The following ROR1 variants were observed in gnomAD, a reference collection of about 807,000 sequenced individuals.
ROR1 encodes inactive tyrosine-protein kinase transmembrane receptor ROR1.
In ROR1, 19 loss-of-function variants were observed where a neutral mutation model predicts 78.8. That is an observed-to-expected ratio of 0.24 (90% CI 0.17 to 0.35). ROR1 has a LOEUF of 0.35. Among genes scored for constraint, ROR1 ranks in the 10% least tolerant of loss-of-function variants. The probability of loss-of-function intolerance (pLI) is 1.00; values close to 1 mark genes in which losing one functional copy is unlikely to be tolerated. For missense variants in ROR1, 917 were observed against 1,177.8 expected (o/e 0.78, Z 3.24); for synonymous variants, 386 against 433.6 (o/e 0.89, Z 1.36).
chr1:63,782,922 G>A (rs1320357841), intron 1 of ROR1, among the ~76,000 whole-genome samples: 3 of 152,090 alleles, frequency 2.0e-5, no homozygotes, highest in Non-Finnish European at 4.4e-5. Flanking sequence ...TGGGTCTTTC[G>A]GGAGGAAGTG....
At chr1:63,976,206 G>C (rs1035887333) in intron 1 of ROR1, among the ~76,000 whole-genome samples, 1 of 152,134 alleles carries the variant, frequency 6.6e-6, no homozygotes, top group Non-Finnish European at 1.5e-5. Context: ...GGGTGATCTT[G>C]TCTAATTCTC....
At chr1:64,071,899 C>T (rs1243865174) in intron 4 of ROR1, among the ~76,000 whole-genome samples, 3 of 152,142 alleles carry the variant, frequency 2.0e-5, no homozygotes, top group African/African-American at 7.2e-5. Context: ...GTGTTCTCTC[C>T]TCTCTCTCAG....
At chr1:64,078,598 A>T (rs1647072334) in intron 4 of ROR1, among the ~76,000 whole-genome samples, 1 of 152,158 alleles carries the variant, frequency 6.6e-6, no homozygotes, top group South Asian at 2.1e-4. Context: ...GAACAATGAG[A>T]GGGAGAAACT....
At chr1:63,843,037 TG>T (rs1645058461) in intron 1 of ROR1, among the ~76,000 whole-genome samples, 1 of 150,826 alleles carries the variant, frequency 6.6e-6, no homozygotes, top group East Asian at 2.0e-4. Context: ...ATCCAGGGAG[TG>T]GGGGGATCTG....
chr1:63,834,164 T>A (rs1201505433), intron 1 of ROR1, among the ~76,000 whole-genome samples: 3 of 151,828 alleles, frequency 2.0e-5, no homozygotes. Context: ...ACCCTCTCGG[T>A]GGAGCTGAGA....
At chr1:64,156,915 T>C (rs1649791369) in intron 7 of ROR1, among the ~76,000 whole-genome samples, 1 of 152,094 alleles carries the variant, frequency 6.6e-6, no homozygotes, top group Non-Finnish European at 1.5e-5. Context: ...AGACCGACGA[T>C]GGAATCCCAG....
At chr1:64,067,710 CTTT>C (rs986756579) in intron 4 of ROR1, among the ~76,000 whole-genome samples, 4 of 105,638 alleles carry the variant, frequency 3.8e-5, no homozygotes, top group African/African-American at 1.3e-4. Flanking sequence ...TAAATAAATT[CTTT>C]TTTTTTTTTT....
At chr1:63,824,916 A>T (rs1379511604) in intron 1 of ROR1, among the ~76,000 whole-genome samples, 1 of 152,160 alleles carries the variant, frequency 6.6e-6, no homozygotes. Flanking sequence ...TTCTCTTAAT[A>T]ATATATGGTA....
chr1:63,837,467 C>T (rs926285327), intron 1 of ROR1, among the ~76,000 whole-genome samples: 4 of 152,110 alleles, frequency 2.6e-5, no homozygotes, highest in Non-Finnish European at 5.9e-5. Context: ...ACTTTCTGGC[C>T]AGTAGAGCAG....
chr1:63,995,598 C>T (rs1000550911), intron 1 of ROR1, among the ~76,000 whole-genome samples: 4 of 152,176 alleles, frequency 2.6e-5, no homozygotes, highest in African/African-American at 9.7e-5. Context: ...GCTTTGCAAT[C>T]AGAAAGACTG....
At chr1:64,082,762 T>C (rs1235174767) in intron 4 of ROR1, among the ~76,000 whole-genome samples, 2 of 152,228 alleles carry the variant, frequency 1.3e-5, no homozygotes, top group East Asian at 3.8e-4. Flanking sequence ...AGGGCTGACC[T>C]TGGTTTAAGC....
At chr1:64,050,789 G>A in intron 4 of ROR1, 73 bp downstream of exon 4, 1 of 1,469,308 alleles carries the variant, frequency 6.8e-7, no homozygotes, top group Non-Finnish European at 9.5e-7. Flanking sequence ...AAGCAATGTT[G>A]TCCTCTTCTT....
chr1:64,174,912 A>G (rs776153018), intron 8 of ROR1, among the ~76,000 whole-genome samples: 30 of 152,250 alleles, frequency 2.0e-4, no homozygotes, highest in South Asian at 6.2e-4. Context: ...CCACAAGAAT[A>G]CAGACCCTAA....
At chr1:63,965,420 G>A (rs1407388403) in intron 1 of ROR1, among the ~76,000 whole-genome samples, 2 of 152,122 alleles carry the variant, frequency 1.3e-5, no homozygotes, top group African/African-American at 2.4e-5. Flanking sequence ...GGAAACTTTA[G>A]TAATAGTGTT....
In ROR1 at chr1:64,178,468, A is replaced by G. The variant is rs1650453815; in HGVS notation, c.2427A>G (p.Pro809=). The G allele has an allele frequency of 6.2e-7, 1 of 1,614,148 alleles. No homozygotes were observed. The highest frequency in any genetic ancestry group is 1.3e-5 in the African/African-American group (1 of 75,034). The change falls in exon 9 of 9, where the codon CCA becomes CCG. Residue 809 remains proline (P), a synonymous_variant. Transcript: ENST00000371079. This position sits in a 1 kb window ranked among gnomAD's most constrained non-coding sequence, Gnocchi z 4.3. ...QGQIAGFIGP[P]IPQNQRFIPI... The stretch of plus-strand genomic sequence containing the variant: ...AGATTGCTGGTTTCATTGGCCCGCC[A>G]ATACCTCAGAACCAGCGATTCATTC...
At chr1:64,137,196 G>A (rs1649142849) in intron 4 of ROR1, among the ~76,000 whole-genome samples, 173 bp from the exon 5 acceptor site, 1 of 152,160 alleles carries the variant, frequency 6.6e-6, no homozygotes, top group African/African-American at 2.4e-5. Context: ...TGACCAATGT[G>A]ACCAACAGAT....
intron 1 of ROR1, among the ~76,000 whole-genome samples, chr1:63,818,629 AAAATTG>A (rs1644906677): frequency 6.6e-6 from 1 of 152,342 alleles, no homozygotes; most frequent in Middle Eastern, 3.4e-3. Flanking sequence ...GGAAAAAGAG[AAAATTG>A]TTCTTATGTT....
At chr1:63,850,508 C>T (rs2100329640) in intron 1 of ROR1, among the ~76,000 whole-genome samples, 1 of 152,338 alleles carries the variant, frequency 6.6e-6, no homozygotes, top group Non-Finnish European at 1.5e-5. Context: ...TTGCTCTTTA[C>T]CCTTTCTAAC....
chr1:64,031,735 A>G (rs1646661316), intron 2 of ROR1, among the ~76,000 whole-genome samples: 1 of 152,176 alleles, frequency 6.6e-6, no homozygotes, highest in Non-Finnish European at 1.5e-5. Context: ...GACTTCAGAG[A>G]TAACTTAAAA....
Sources: allele counts gnomAD v4.1 joint callset (sites outside exome capture counted in the v4.1 genomes callset), GRCh38; gene constraint gnomAD v4.1.1; non-coding constraint Gnocchi (gnomAD v3.1); transcripts MANE v1.5; gene names NCBI Gene and HGNC (gene_info 2026-07-23, HGNC 2026-07-21).